The following PCDHGA7 variants were observed in gnomAD, a reference collection of about 807,000 sequenced individuals.
PCDHGA7 encodes protocadherin gamma subfamily A, 7.
PCDHGA7 carries 44 observed loss-of-function variants against 58.3 expected under a neutral mutation model. That is an observed-to-expected ratio of 0.75 (90% confidence interval 0.59 to 0.97). The LOEUF (loss-of-function observed/expected upper bound fraction) is 0.97, where lower values mean the gene tolerates loss of function less well. Ranked by LOEUF, PCDHGA7 falls within the 50% of genes least tolerant of loss-of-function variation. The probability of loss-of-function intolerance (pLI) is 0.00; values close to 1 mark genes in which losing one functional copy is unlikely to be tolerated. For synonymous variants in PCDHGA7, 516 were observed against 504.2 expected, an observed-to-expected ratio of 1.02 and a Z score of -0.31; for missense variants, 1,266 against 1,188.7, an observed-to-expected ratio of 1.06 and a Z score of -0.96.
In PCDHGA7 at chr5:141,415,247, C is replaced by T. The variant is rs181239359; in HGVS notation, c.2424+29924C>T. The stretch of plus-strand genomic sequence containing the variant: ...GAGTCTCCAGCTAACTCTGAAACCT[C>T]AGACCTCACTCTGTACCTGGTGGTA... On this transcript the variant is annotated intron_variant, in intron 1 of 3. Transcript: ENST00000518325. 958 of 1,614,210 alleles carry T rather than the reference C, an allele frequency of 5.9e-4. 13 individuals are homozygous for T. The East Asian group carries it at 0.015, about 25-fold the overall frequency.
At chr5:141,463,981 A>G (rs1441851777) in intron 1 of PCDHGA7, among the ~76,000 whole-genome samples, 1 of 152,150 alleles carries the variant, frequency 6.6e-6, no homozygotes, top group Non-Finnish European at 1.5e-5. Context: ...ACTCCATTGT[A>G]AAAACCAGGT....
At chr5:141,409,437 G>A in intron 1 of PCDHGA7, 1 of 1,613,968 alleles carries the variant, frequency 6.2e-7, no homozygotes, top group Non-Finnish European at 8.5e-7. Context: ...GCCCTGGACC[G>A]AGAGCAGACA....
At chr5:141,399,581 A>G (rs375436846) in intron 1 of PCDHGA7, 20 of 1,613,788 alleles carry the variant, frequency 1.2e-5, no homozygotes, top group Non-Finnish European at 1.4e-5. Context: ...CAAGTCTCCT[A>G]CTCTATCATG....
chr5:141,494,914 A>G (rs906245656), intron 2 of PCDHGA7, 49 bp downstream of exon 2: 5 of 1,613,708 alleles, frequency 3.1e-6, no homozygotes, highest in Admixed American at 1.7e-5. Context: ...GCATTTTCTC[A>G]GGGATGACGT....
At chr5:141,404,029 C>A in intron 1 of PCDHGA7, 2 of 1,613,428 alleles carry the variant, frequency 1.2e-6, no homozygotes, top group South Asian at 1.1e-5. Flanking sequence ...TGAGAGAAGA[C>A]GCACCTCAGG....
rs201895231 is a variant in PCDHGA7 at position 141,392,844 on chromosome 5, G to A, written c.2424+7521G>A. On this transcript the variant is annotated intron_variant, in intron 1 of 3. Coordinates refer to ENST00000518325, the MANE Select transcript of PCDHGA7 (RefSeq NM_018920.4). ...CGCTCCACAGAGTCGCCCCAGACGC[G>A]GCGAGCTGATCCTGCTGTGCGCGCT... The A allele has an allele frequency of 1.3e-5, 21 of 1,609,468 alleles. 1 individual carries two copies. The East Asian group carries it at 1.6e-4, about 12-fold the overall frequency.
chr5:141,395,053 A>T (rs1210765378), intron 1 of PCDHGA7: 1 of 1,614,062 alleles, frequency 6.2e-7, no homozygotes, highest in East Asian at 2.2e-5. Context: ...GAGGAGGTAC[A>T]GGCTTTCCTG....
At position 141,383,031 on chromosome 5, in the gene PCDHGA7, T is replaced by C. The variant is rs778307271; in HGVS notation, c.132T>C (p.Phe44=). ...CGGAGGAGACGGACAAAGGGTCCTT[T>C]GTGGGAGACATCGCCAAGGACCTGG... ...SVSEETDKGS[F]VGDIAKDLGL... The change falls in exon 1 of 4, where the codon TTT becomes TTC. Residue 44 remains phenylalanine, a synonymous_variant. Coordinates refer to ENST00000518325, the MANE Select transcript of PCDHGA7 (RefSeq NM_018920.4). The C allele has an allele frequency of 1.2e-6, 2 of 1,613,670 alleles. No individual in the cohort carries two copies. Among genetic ancestry groups the C allele is most frequent in the African/African-American group, 2.7e-5 (2 of 74,934 alleles).
At chr5:141,388,351 C>A in intron 1 of PCDHGA7, 1 of 1,614,016 alleles carries the variant, frequency 6.2e-7, no homozygotes. Flanking sequence ...ATATTAGGAT[C>A]TGCCCATGAT....
In PCDHGA7 at chr5:141,489,335, G is replaced by A. The variant is rs138015049; in HGVS notation, c.2425-5472G>A. The A allele has an allele frequency of 8.2e-5, 132 of 1,607,244 alleles. No individual in the cohort carries two copies. The African/African-American group carries it at 1.5e-3, about 18-fold the overall frequency. On this transcript the variant is annotated intron_variant, in intron 1 of 3. Transcript: ENST00000518325. This position sits in a 1 kb window ranked among gnomAD's most constrained non-coding sequence, Gnocchi z 4.5. ...TGGGGCTGGGTGTCTGGGCAGCTTC[G>A]TTACTCAGTGGTGGAGGAGTCTGAG...
intron 1 of PCDHGA7, chr5:141,385,593 C>A: frequency 8.1e-7 from 1 of 1,235,054 alleles, no homozygotes; most frequent in African/African-American, 1.6e-5. Flanking sequence ...TTCCAACCTA[C>A]TTTCTTAACT....
chr5:141,472,079 G>T (rs2099271048), intron 1 of PCDHGA7, among the ~76,000 whole-genome samples: 1 of 152,124 alleles, frequency 6.6e-6, no homozygotes, highest in African/African-American at 2.4e-5. Flanking sequence ...TTATATCAAT[G>T]AGTACTATTA....
intron 1 of PCDHGA7, among the ~76,000 whole-genome samples, chr5:141,481,761 G>A (rs984825493): frequency 2.6e-5 from 4 of 152,234 alleles, no homozygotes; most frequent in Non-Finnish European, 2.9e-5. Context: ...AGACCAGCCT[G>A]GCCAACATGG....
intron 1 of PCDHGA7, among the ~76,000 whole-genome samples, chr5:141,453,216 C>T (rs565229516): frequency 8.5e-5 from 13 of 152,080 alleles, no homozygotes; most frequent in Non-Finnish European, 1.0e-4. Context: ...TGCACTTAAG[C>T]GATCCTCCCA....
At chr5:141,459,442 A>G (rs2098968073) in intron 1 of PCDHGA7, among the ~76,000 whole-genome samples, 1 of 152,198 alleles carries the variant, frequency 6.6e-6, no homozygotes, top group South Asian at 2.1e-4. Context: ...CATTCATTCA[A>G]CTGTTGGTGG....
chr5:141,441,565 C>T (rs1049476318), intron 1 of PCDHGA7: 62 of 200,838 alleles, frequency 3.1e-4, no homozygotes, highest in African/African-American at 1.4e-3. Context: ...CAAGTAGACA[C>T]CTCCAACCTA....
chr5:141,486,555 A>T lies in PCDHGA7; in HGVS notation c.2425-8252A>T, dbSNP rs746001345. The T allele has an allele frequency of 6.2e-6, 10 of 1,614,078 alleles. No individual in the cohort carries two copies. Among genetic ancestry groups the T allele is most frequent in the Non-Finnish European group, 7.6e-6 (9 of 1,180,022 alleles). ...CCCTCTTTCTTTCAGAGGTCACATGAGGTGTTTGTTCCTGAGAACAATCGC... is the reference window on the plus strand; with the variant it reads ...CCCTCTTTCTTTCAGAGGTCACATGTGGTGTTTGTTCCTGAGAACAATCGC... On this transcript the variant is annotated intron_variant, in intron 1 of 3. Transcript: ENST00000518325. This position sits in a 1 kb window ranked among gnomAD's most constrained non-coding sequence, Gnocchi z 5.0.
In PCDHGA7 at chr5:141,493,364, TTGGAAC is replaced by T. The variant is rs1405602213; in HGVS notation, c.2425-1441_2425-1436del. Among the ~76,000 whole-genome samples, 1 of 152,184 alleles carries T rather than the reference TTGGAAC, an allele frequency of 6.6e-6. No homozygotes were observed. Among genetic ancestry groups the T allele is most frequent in the South Asian group, 2.1e-4 (1 of 4,824 alleles). On this transcript the variant is annotated intron_variant, in intron 1 of 3. Coordinates refer to ENST00000518325, the MANE Select transcript of PCDHGA7 (RefSeq NM_018920.4). The surrounding 1 kb of genome is among the most constrained non-coding windows in gnomAD (Gnocchi z 4.3). Reference sequence around the variant, plus strand: ...ATGTGTGCTTTTAATTTCTTGGCACTTGGAACTTTAAAAGCTTGAGGACAGGAGAGG... The same window carrying T: ...ATGTGTGCTTTTAATTTCTTGGCACTTTTAAAAGCTTGAGGACAGGAGAGG...
chr5:141,485,888 G>T lies in PCDHGA7; in HGVS notation c.2425-8919G>T, dbSNP rs1166795987. 3 of 1,614,028 alleles carry T rather than the reference G, an allele frequency of 1.9e-6. No homozygotes were observed. The highest frequency in any genetic ancestry group is 2.5e-6 in the Non-Finnish European group (3 of 1,180,032). ...ATCCGTGCTGGACGTAAACGACAAC[G>T]CCCCAGCCTTCCAGCAATCCAGCTA... On this transcript the variant is annotated intron_variant, in intron 1 of 3. Coordinates refer to ENST00000518325, the MANE Select transcript of PCDHGA7 (RefSeq NM_018920.4). The surrounding 1 kb of genome is among the most constrained non-coding windows in gnomAD (Gnocchi z 5.7).
Sources: gnomAD v4.1 joint callset for allele counts (sites outside exome capture counted in the v4.1 genomes callset) on GRCh38, gnomAD v4.1.1 for gene constraint, Gnocchi (gnomAD v3.1) non-coding constraint, MANE v1.5 for transcripts, NCBI Gene and HGNC (gene_info 2026-07-23, HGNC 2026-07-21) for gene names.